SPATA1: variants seen among roughly 807,000 people sequenced by gnomAD.
The protein encoded by SPATA1 is spermatogenesis associated 1, also known as spermatogenesis-associated protein 1.
In SPATA1, 57 loss-of-function variants were observed where a neutral mutation model predicts 59.6. The observed-to-expected ratio is 0.96, with a 90% confidence interval of 0.77 to 1.19. The LOEUF (loss-of-function observed/expected upper bound fraction) is 1.19, where lower values mean the gene tolerates loss of function less well. SPATA1 is among the 50% of genes most tolerant of loss of function. The probability of loss-of-function intolerance (pLI) is 0.00; values close to 1 mark genes in which losing one functional copy is unlikely to be tolerated. For synonymous variants in SPATA1, 147 were observed against 163.9 expected, an observed-to-expected ratio of 0.90 and a Z score of 0.79; for missense variants, 448 against 480.7, an observed-to-expected ratio of 0.93 and a Z score of 0.64.
At chr1:84,553,124 G>T in exon 13 of SPATA1, 1 of 1,450,460 alleles carries the variant, frequency 6.9e-7, no homozygotes, top group South Asian at 1.4e-5. Context: ...ATCTCAATTA[G>T]GTATGTTAAT....
At chr1:84,509,857 A>G (rs534103174) in intron 1 of SPATA1, among the ~76,000 whole-genome samples, 1 of 152,176 alleles carries the variant, frequency 6.6e-6, no homozygotes, top group South Asian at 2.1e-4. Context: ...ACAGGCAACC[A>G]AAGCAAAAAT....
intron 6 of SPATA1, among the ~76,000 whole-genome samples, chr1:84,529,858 C>CTT (rs71582921): frequency 5.1e-5 from 6 of 117,516 alleles, no homozygotes; most frequent in Non-Finnish European, 9.1e-5. Context: ...AGCCTAAACT[C>CTT]TTTTTTTTTT....
Position 84,548,780 on chromosome 1 carries a change from T to A in SPATA1, c.947-6T>A, listed in dbSNP as rs928630731. The A allele has an allele frequency of 3.7e-4, 358 of 962,260 alleles. 1 individual carries two copies. The East Asian group carries it at 0.015, about 40-fold the overall frequency. The allele number at this position is 962,260 out of a possible 1,614,324, so 59.6% of individuals were successfully genotyped here. Reference sequence around the variant, plus strand: ...TTTTTTTTTTTTTTTTTTTTTTTTTTTATAGCCTACAATGGTTGGAAGAAA... The same window carrying A: ...TTTTTTTTTTTTTTTTTTTTTTTTTATATAGCCTACAATGGTTGGAAGAAA... On this transcript the variant is annotated splice_polypyrimidine_tract_variant and splice_region_variant and intron_variant, in intron 10 of 12. Coordinates refer to ENST00000490879, the Ensembl canonical transcript of SPATA1.
chr1:84,539,810 A>G (rs1683842083), intron 8 of SPATA1, among the ~76,000 whole-genome samples: 2 of 151,936 alleles, frequency 1.3e-5, no homozygotes, highest in African/African-American at 4.8e-5. Context: ...CACATTCTCT[A>G]TGTCTCGGAC....
At chr1:84,539,594 A>G (rs1266016625) in intron 8 of SPATA1, among the ~76,000 whole-genome samples, 1 of 152,050 alleles carries the variant, frequency 6.6e-6, no homozygotes, top group East Asian at 1.9e-4. Context: ...CCCCATTTTG[A>G]TAACCATTTT....
intron 4 of SPATA1, among the ~76,000 whole-genome samples, chr1:84,560,565 G>C (rs962130553): frequency 1.3e-5 from 2 of 152,182 alleles, no homozygotes; most frequent in Non-Finnish European, 2.9e-5. Context: ...CATTTTAAAA[G>C]GCAGAGACCC....
At chr1:84,563,966 G>C in intron 4 of SPATA1, 1 of 981,566 alleles carries the variant, frequency 1.0e-6, no homozygotes, top group Non-Finnish European at 1.4e-6. Flanking sequence ...TGTTTAATAT[G>C]TTATAAAACA....
chr1:84,563,664 C>A, intron 4 of SPATA1: 1 of 920,150 alleles, frequency 1.1e-6, no homozygotes, highest in Non-Finnish European at 1.6e-6. Flanking sequence ...TTATATATTT[C>A]TAATGAAAAC....
chr1:84,545,771 T>C lies in SPATA1; in HGVS notation c.946+12T>C, dbSNP rs1684065513. On this transcript the variant is annotated intron_variant, in intron 10 of 12. Coordinates refer to ENST00000490879, the Ensembl canonical transcript of SPATA1. ...AAAACGATATCATGGTAAAGTTTAT[T>C]ACATACCTTTTATCACTATAAAGAA... The C allele has an allele frequency of 1.4e-6, 2 of 1,479,190 alleles. No individual in the cohort carries two copies. Among genetic ancestry groups the C allele is most frequent in the Non-Finnish European group, 1.8e-6 (2 of 1,122,422 alleles). 91.6% of individuals were successfully genotyped at this position (1,479,190 alleles called of 1,614,324 possible).
At chr1:84,532,479 G>T (rs1351288547) in intron 6 of SPATA1, among the ~76,000 whole-genome samples, 1 of 151,930 alleles carries the variant, frequency 6.6e-6, no homozygotes, top group Non-Finnish European at 1.5e-5. Flanking sequence ...CTGGGCGACA[G>T]AGCAAGTCTC....
chr1:84,563,975 C>A, intron 4 of SPATA1: 1 of 936,618 alleles, frequency 1.1e-6, no homozygotes, highest in Non-Finnish European at 1.4e-6. Context: ...TGTTATAAAA[C>A]ATCCCTTAAG....
downstream of SPATA1, among the ~76,000 whole-genome samples, chr1:84,557,555 A>G (rs997353429): frequency 9.9e-5 from 9 of 90,836 alleles, no homozygotes; most frequent in African/African-American, 8.2e-4. Context: ...AAAAAAAAAG[A>G]AAAAAAAAAA....
At chr1:84,512,505 T>C (rs1682613354) in intron 1 of SPATA1, among the ~76,000 whole-genome samples, 2 of 152,240 alleles carry the variant, frequency 1.3e-5, no homozygotes, top group South Asian at 4.1e-4. Flanking sequence ...TTGTATGCCA[T>C]ATTATCAAAT....
chr1:84,531,074 G>A (rs1683444659), intron 6 of SPATA1, among the ~76,000 whole-genome samples: 2 of 152,082 alleles, frequency 1.3e-5, no homozygotes, highest in African/African-American at 4.8e-5. Context: ...GAGAGTTGTA[G>A]TTTACTATTA....
At chr1:84,563,317 A>G (rs1444975199) in intron 4 of SPATA1, 1 of 1,598,364 alleles carries the variant, frequency 6.3e-7, no homozygotes, top group Admixed American at 1.7e-5. Flanking sequence ...AAATAGAACT[A>G]TTTATTTGCT....
intron 8 of SPATA1, among the ~76,000 whole-genome samples, chr1:84,538,787 G>A (rs767832644): frequency 2.0e-5 from 3 of 152,110 alleles, no homozygotes; most frequent in African/African-American, 7.2e-5. Context: ...GCCACTTGTG[G>A]GGTTATTGGT....
intron 7 of SPATA1, 129 bp from the exon 8 acceptor site, chr1:84,533,580 T>C (rs187308201): frequency 5.4e-5 from 38 of 703,994 alleles, no homozygotes; most frequent in Admixed American, 1.6e-4. Flanking sequence ...ATGATAATGG[T>C]CTCAGGCTGA....
In SPATA1 at chr1:84,525,832, CTA is replaced by C; in HGVS notation, c.316-9_316-8del. 3.7e-6 allele frequency: 6 copies of C among 1,604,420 alleles called. No individual in the cohort carries two copies. The highest frequency in any genetic ancestry group is 2.2e-5 in the East Asian group (1 of 44,784). ...ATTGCAAACTAACTTTTAAAATTTC[CTA>C]TATGTTTTAGGCTCTTCAACCAGAA... On this transcript the variant is annotated splice_polypyrimidine_tract_variant and intron_variant, in intron 5 of 12. Coordinates refer to ENST00000490879, the Ensembl canonical transcript of SPATA1.
chr1:84,546,930 T>C (rs2102002968), intron 10 of SPATA1, among the ~76,000 whole-genome samples: 1 of 152,266 alleles, frequency 6.6e-6, no homozygotes, highest in Non-Finnish European at 1.5e-5. Context: ...CAGTACATGA[T>C]GGTGGCTTGA....
Sources: allele counts gnomAD v4.1 joint callset (sites outside exome capture counted in the v4.1 genomes callset), GRCh38; gene constraint gnomAD v4.1.1; transcripts MANE v1.5; gene names NCBI Gene and HGNC (gene_info 2026-07-23, HGNC 2026-07-21).